MAN2A1: variants seen among roughly 807,000 people sequenced by gnomAD.
MAN2A1 encodes alpha-mannosidase 2.
MAN2A1 carries 76 observed loss-of-function variants against 142.6 expected under a neutral mutation model. The ratio of observed to expected loss-of-function variants is 0.53; its 90% CI spans 0.44 to 0.65. The LOEUF is 0.65. Among genes scored for constraint, MAN2A1 ranks in the 30% least tolerant of loss-of-function variants. The pLI, the probability that MAN2A1 is intolerant of heterozygous loss-of-function variation, is 0.00. For missense variants in MAN2A1, 1,311 were observed against 1,365.1 expected, an observed-to-expected ratio of 0.96 and a Z score of 0.62; for synonymous variants, 559 against 473.2, an observed-to-expected ratio of 1.18 and a Z score of -2.35.
At chr5:109,698,627 T>C (rs1750882990) in intron 1 of MAN2A1, among the ~76,000 whole-genome samples, 1 of 152,200 alleles carries the variant, frequency 6.6e-6, no homozygotes, top group African/African-American at 2.4e-5. Context: ...TTGCAGGTGG[T>C]GCCTTTGGAA....
rs537290616 is a variant in MAN2A1, at chr5:109,853,048, A to G, written c.2977-2092A>G. On this transcript the variant is annotated intron_variant, in intron 19 of 21. Coordinates refer to ENST00000261483, the MANE Select transcript of MAN2A1 (RefSeq NM_002372.4). Reference sequence around the variant, plus strand: ...TTCCTTATCTTTCTAAGGACAGTAAACTACACAGTTTTTAAATTCTTGAAG... The same window carrying G: ...TTCCTTATCTTTCTAAGGACAGTAAGCTACACAGTTTTTAAATTCTTGAAG... Among the ~76,000 whole-genome samples the G allele has an allele frequency of 2.6e-5, 4 of 152,328 alleles. No homozygotes were observed. The South Asian group carries it at 8.3e-4, about 32-fold the overall frequency.
chr5:109,704,358 C>G (rs941270010), intron 1 of MAN2A1, among the ~76,000 whole-genome samples: 2 of 152,154 alleles, frequency 1.3e-5, no homozygotes, highest in African/African-American at 4.8e-5. Context: ...TTTTTGTGCT[C>G]ACATCGTGAG....
Position 109,774,216 on chromosome 5 carries a change from G to A in MAN2A1, c.1197-572G>A, listed in dbSNP as rs188267292. ...ATTATTGGTGGCAGGTGACAAGTGT[G>A]TGGATTTTTTTTTCTTTAGAAGAGG... On this transcript the variant is annotated intron_variant, in intron 7 of 21. Transcript: ENST00000261483. 7.8e-4 allele frequency among the ~76,000 whole-genome samples: 118 copies of A among 152,202 alleles called. 1 individual carries two copies. Among genetic ancestry groups the A allele is most frequent in the Admixed American group, 1.2e-3 (19 of 15,274 alleles).
chr5:109,802,984 C>T (rs1234709747), intron 12 of MAN2A1, among the ~76,000 whole-genome samples: 1 of 151,882 alleles, frequency 6.6e-6, no homozygotes, highest in Non-Finnish European at 1.5e-5. Flanking sequence ...TTTAGAAGTT[C>T]GAAGAAAAGT....
At chr5:109,858,942 G>A (rs1416149062) in intron 20 of MAN2A1, among the ~76,000 whole-genome samples, 1 of 152,210 alleles carries the variant, frequency 6.6e-6, no homozygotes, top group African/African-American at 2.4e-5. Context: ...CCAGCTACTA[G>A]TCCTCAAATT....
intron 1 of MAN2A1, among the ~76,000 whole-genome samples, chr5:109,695,549 G>T (rs1750788658): frequency 6.6e-6 from 1 of 151,930 alleles, no homozygotes; most frequent in Admixed American, 6.6e-5. Context: ...AGCTTTTTTT[G>T]CATTCAGGAG....
chr5:109,868,939 A>G lies in MAN2A1; in HGVS notation c.*1941A>G, dbSNP rs1755949304. On this transcript the variant is annotated 3_prime_UTR_variant, in exon 22 of 22. Coordinates refer to ENST00000261483, the MANE Select transcript of MAN2A1 (RefSeq NM_002372.4). ...TCTCGAAATTGTGATCAGATGAAAT[A>G]AAAAAAAAATCTTGATGCAATAACA... 1 of 149,920 alleles carries G rather than the reference A, an allele frequency of 6.7e-6. No individual in the cohort carries two copies. The highest frequency in any genetic ancestry group is 2.1e-4 in the South Asian group (1 of 4,718). 9.3% of individuals were successfully genotyped at this position (149,920 alleles called of 1,614,324 possible).
intron 12 of MAN2A1, among the ~76,000 whole-genome samples, chr5:109,814,215 T>C (rs1014118835): frequency 6.6e-6 from 1 of 152,206 alleles, no homozygotes; most frequent in Non-Finnish European, 1.5e-5. Flanking sequence ...CTTTTGTTAA[T>C]GTGGATCAAA....
At chr5:109,801,683 C>G (rs1478641005) in intron 12 of MAN2A1, among the ~76,000 whole-genome samples, 1 of 152,088 alleles carries the variant, frequency 6.6e-6, no homozygotes, top group Non-Finnish European at 1.5e-5. Context: ...GTTCTGAATA[C>G]TCTAGGAGCA....
At chr5:109,803,446 G>A (rs990846033) in intron 12 of MAN2A1, among the ~76,000 whole-genome samples, 2 of 151,956 alleles carry the variant, frequency 1.3e-5, no homozygotes, top group Admixed American at 6.6e-5. Flanking sequence ...TGTTTTAATT[G>A]TGTGTTTTGT....
intron 4 of MAN2A1, among the ~76,000 whole-genome samples, chr5:109,742,209 A>G (rs1415900976): frequency 6.6e-6 from 1 of 152,204 alleles, no homozygotes; most frequent in African/African-American, 2.4e-5. Flanking sequence ...TATTGAGACC[A>G]GTGTTGAGTG....
intron 16 of MAN2A1, among the ~76,000 whole-genome samples, chr5:109,838,952 A>T (rs565208669): frequency 1.3e-5 from 2 of 152,164 alleles, no homozygotes; most frequent in African/African-American, 4.8e-5. Context: ...ATGTTCTTTT[A>T]TAAATGCTTT....
At chr5:109,804,607 C>T (rs1754116821) in intron 12 of MAN2A1, among the ~76,000 whole-genome samples, 1 of 152,000 alleles carries the variant, frequency 6.6e-6, no homozygotes, top group African/African-American at 2.4e-5. Flanking sequence ...AGTAGGGAGT[C>T]TTTCCTAGGA....
At chr5:109,771,903 C>T (rs1386583699) in intron 7 of MAN2A1, among the ~76,000 whole-genome samples, 2 of 152,058 alleles carry the variant, frequency 1.3e-5, no homozygotes, top group East Asian at 3.9e-4. Context: ...GGGGGTGCTA[C>T]TGAGACTACC....
chr5:109,699,795 A>T (rs3819904), intron 1 of MAN2A1: 3 of 157,910 alleles, frequency 1.9e-5, no homozygotes, highest in African/African-American at 4.8e-5. Flanking sequence ...CTGGCGATCA[A>T]TGGGGTGACA....
chr5:109,798,416 T>C (rs1334362728), intron 12 of MAN2A1, among the ~76,000 whole-genome samples: 2 of 152,214 alleles, frequency 1.3e-5, no homozygotes, highest in East Asian at 3.9e-4. Flanking sequence ...ATAGCTCTCT[T>C]GGGATGGCCC....
chr5:109,744,357 C>G (rs528171026), intron 4 of MAN2A1, among the ~76,000 whole-genome samples: 154 of 152,070 alleles, frequency 1.0e-3, no homozygotes, highest in African/African-American at 3.6e-3. Context: ...ACTAGCCAGT[C>G]AAGAAGTGGG....
intron 12 of MAN2A1, among the ~76,000 whole-genome samples, chr5:109,793,725 T>C (rs1375746397): frequency 6.6e-6 from 1 of 152,202 alleles, no homozygotes; most frequent in Non-Finnish European, 1.5e-5. Context: ...CTCAGCATCA[T>C]TGCATTCTTA....
chr5:109,782,359 C>T (rs1753482661), intron 9 of MAN2A1, among the ~76,000 whole-genome samples: 1 of 152,142 alleles, frequency 6.6e-6, no homozygotes, highest in South Asian at 2.1e-4. Flanking sequence ...GACTATTGAG[C>T]ACTTGAAATG....
Sources: allele counts gnomAD v4.1 joint callset (sites outside exome capture counted in the v4.1 genomes callset), GRCh38; gene constraint gnomAD v4.1.1; transcripts MANE v1.5; gene names NCBI Gene and HGNC (gene_info 2026-07-23, HGNC 2026-07-21).